The following PCDH11X variants were observed in gnomAD, a reference collection of about 807,000 sequenced individuals.
PCDH11X encodes protocadherin 11 X-linked.
PCDH11X carries 18 observed loss-of-function variants against 53.3 expected under a neutral mutation model. The ratio of observed to expected loss-of-function variants is 0.34; its 90% CI spans 0.23 to 0.50. PCDH11X has a LOEUF of 0.50. Ranked by LOEUF, PCDH11X falls within the 20% of genes least tolerant of loss-of-function variation. The probability of loss-of-function intolerance (pLI) is 0.98; values close to 1 mark genes in which losing one functional copy is unlikely to be tolerated. For missense variants in PCDH11X, 570 were observed against 1,032.4 expected (o/e 0.55, Z 6.14); for synonymous variants, 279 against 393.3 (o/e 0.71, Z 3.44).
chrX:92,167,111 T>C (rs940417521), intron 6 of PCDH11X, among the ~76,000 whole-genome samples: 1 of 110,075 alleles, frequency 9.1e-6, no homozygotes, highest in African/African-American at 3.3e-5. Context: ...TATTCTATAA[T>C]TTTACTTGCT....
intron 10 of PCDH11X, among the ~76,000 whole-genome samples, chrX:92,503,764 C>T (rs905340016): frequency 1.1e-4 from 12 of 110,917 alleles, no homozygotes; most frequent in African/African-American, 3.6e-4. Flanking sequence ...CTAATGGATG[C>T]CGGGCTTAAT....
chrX:92,319,972 A>G, intron 8 of PCDH11X, among the ~76,000 whole-genome samples: 1 of 111,465 alleles, frequency 9.0e-6, no homozygotes, highest in Non-Finnish European at 1.9e-5. Flanking sequence ...TTTGCTGAGC[A>G]TCATGGTATA....
Position 92,037,375 on chromosome X carries a change from C to A in PCDH11X, c.3033+158102C>A, listed in dbSNP as rs537427108. Among the ~76,000 whole-genome samples, 31 of 111,320 alleles carry A rather than the reference C, an allele frequency of 2.8e-4. 1 individual carries two copies. In the South Asian group the frequency reaches 0.012, roughly 42 times the overall value. The stretch of plus-strand genomic sequence containing the variant: ...GCATCCAGCTTCATCCATGTCCCTG[C>A]AAAGGACATGATCTCATTCCTTTTT... On this transcript the variant is annotated intron_variant, in intron 6 of 10. Transcript: ENST00000682573.
rs34761517 is a variant in PCDH11X, at chrX:92,514,979, G to A, written c.3367+46657G>A. Reference sequence around the variant, plus strand: ...GGAAAATGGCGTGAACCCGGGAGGCGGAGCTTGCAGTGAGCTGAGATCCCG... The same window carrying A: ...GGAAAATGGCGTGAACCCGGGAGGCAGAGCTTGCAGTGAGCTGAGATCCCG... On this transcript the variant is annotated intron_variant, in intron 10 of 10. Transcript: ENST00000682573. 1.5e-4 allele frequency among the ~76,000 whole-genome samples: 15 copies of A among 100,929 alleles called. No individual in the cohort carries two copies. The South Asian group carries it at 2.0e-3, about 13-fold the overall frequency. The allele number at this position is 100,929 out of a possible 115,157, so 87.6% of individuals were successfully genotyped here. A position where few individuals can be genotyped will look rare whatever the true frequency, so the allele number is the denominator to read the frequency against.
chrX:92,335,849 C>T (rs1311412293), intron 8 of PCDH11X, among the ~76,000 whole-genome samples: 1 of 111,772 alleles, frequency 8.9e-6, no homozygotes, highest in East Asian at 2.8e-4. Flanking sequence ...GTGTGTGTTT[C>T]TAAAATATTT....
At chrX:91,807,998 T>A (rs2147554500) in intron 1 of PCDH11X, among the ~76,000 whole-genome samples, 1 of 108,560 alleles carries the variant, frequency 9.2e-6, no homozygotes, top group East Asian at 2.9e-4. Context: ...ATTATGTATT[T>A]GTATTAAATA....
chrX:92,250,423 C>T (rs1199236270), intron 7 of PCDH11X, among the ~76,000 whole-genome samples: 5 of 109,272 alleles, frequency 4.6e-5, no homozygotes, highest in African/African-American at 9.9e-5. Flanking sequence ...TATCATATGA[C>T]GGAGCAATTC....
chrX:92,589,406 CAT>C (rs1329784544), intron 10 of PCDH11X, among the ~76,000 whole-genome samples: 2 of 111,435 alleles, frequency 1.8e-5, no homozygotes, highest in South Asian at 7.5e-4. Context: ...AGTACAATAA[CAT>C]ATAAATATTA....
At chrX:92,401,712 A>G (rs2071391460) in intron 9 of PCDH11X, among the ~76,000 whole-genome samples, 3 of 112,291 alleles carry the variant, frequency 2.7e-5, no homozygotes, top group Non-Finnish European at 5.6e-5. Context: ...TGAATGTCCT[A>G]TCAGACTTCA....
intron 6 of PCDH11X, among the ~76,000 whole-genome samples, chrX:92,171,342 A>G (rs2065822515): frequency 1.9e-5 from 2 of 107,178 alleles, no homozygotes; most frequent in African/African-American, 6.7e-5. Context: ...CCTTGTTTCT[A>G]CCCCAGAGGT....
chrX:91,834,232 T>C (rs1937215361), intron 4 of PCDH11X, among the ~76,000 whole-genome samples: 1 of 110,950 alleles, frequency 9.0e-6, no homozygotes, highest in African/African-American at 3.3e-5. Context: ...TGAGAATAAA[T>C]AAAATAGAGA....
At position 92,523,462 on chromosome X, in the gene PCDH11X, G is replaced by A. The variant is rs762314516; in HGVS notation, c.3367+55140G>A. Among the ~76,000 whole-genome samples the A allele has an allele frequency of 2.7e-5, 3 of 111,925 alleles. No homozygotes were observed. The South Asian group carries it at 1.1e-3, about 42-fold the overall frequency. ...AAAAGCAAGAGTAACGTTAGACATC[G>A]CTCAGATCTCAGAAGAAAACATGTT... On this transcript the variant is annotated intron_variant, in intron 10 of 10. Coordinates refer to ENST00000682573, the MANE Select transcript of PCDH11X (RefSeq NM_032968.5).
chrX:92,432,401 C>T (rs1456570574), intron 9 of PCDH11X, among the ~76,000 whole-genome samples: 1 of 109,250 alleles, frequency 9.2e-6, no homozygotes, highest in Non-Finnish European at 1.9e-5. Flanking sequence ...TTTTATTCTC[C>T]AGCGTATGAT....
At chrX:91,885,390 G>A (rs1408879179) in intron 6 of PCDH11X, among the ~76,000 whole-genome samples, 1 of 111,260 alleles carries the variant, frequency 9.0e-6, no homozygotes, top group Non-Finnish European at 1.9e-5. Flanking sequence ...CCTGCAGGTA[G>A]CAAGATATAC....
At chrX:92,123,881 T>A (rs1225808747) in intron 6 of PCDH11X, among the ~76,000 whole-genome samples, 2 of 107,709 alleles carry the variant, frequency 1.9e-5, no homozygotes, top group Non-Finnish European at 3.8e-5. Context: ...ATATCCTGCC[T>A]GATTTGACTC....
At chrX:92,606,167 G>T (rs1158047901) in intron 10 of PCDH11X, among the ~76,000 whole-genome samples, 1 of 92,689 alleles carries the variant, frequency 1.1e-5, no homozygotes, top group East Asian at 3.5e-4. Flanking sequence ...GGAGGCAGAG[G>T]TTGCAGTGAG....
intron 7 of PCDH11X, among the ~76,000 whole-genome samples, chrX:92,246,598 G>T (rs201269263): frequency 1.8e-5 from 2 of 111,340 alleles, no homozygotes; most frequent in African/African-American, 6.5e-5. Flanking sequence ...TGATCCACCT[G>T]CCTCAGCCTC....
At chrX:92,228,578 C>T (rs945947855) in intron 7 of PCDH11X, among the ~76,000 whole-genome samples, 2 of 111,170 alleles carry the variant, frequency 1.8e-5, no homozygotes, top group African/African-American at 6.5e-5. Context: ...CAACAATGGG[C>T]AAACTAGTTA....
intron 6 of PCDH11X, among the ~76,000 whole-genome samples, chrX:92,084,974 GA>G (rs11354572): frequency 0.27 from 27,537 of 103,638 alleles, 3,783 homozygotes; most frequent in African/African-American, 0.5. Context: ...AAAACTATTG[GA>G]AAAAAAAAAA....
Sources: gnomAD v4.1 joint callset for allele counts (sites outside exome capture counted in the v4.1 genomes callset) on GRCh38, gnomAD v4.1.1 for gene constraint, MANE v1.5 for transcripts, NCBI Gene and HGNC (gene_info 2026-07-23, HGNC 2026-07-21) for gene names.